The following GSTM3 variants were observed in gnomAD, a reference collection of about 807,000 sequenced individuals.
GSTM3 encodes glutathione S-transferase mu 3.
In GSTM3, 34 loss-of-function variants were observed where a neutral mutation model predicts 36.1. That is an observed-to-expected ratio of 0.94 (90% CI 0.72 to 1.25). GSTM3 has a LOEUF of 1.25. GSTM3 is among the 50% of genes most tolerant of loss of function. GSTM3 has a pLI of 0.00. For missense variants in GSTM3, 266 were observed against 281.6 expected (o/e 0.94, Z 0.40); for synonymous variants, 102 against 99.5 (o/e 1.03, Z -0.15).
Position 109,739,960 on chromosome 1 carries a change from C to T in GSTM3, c.49-52G>A, listed in dbSNP as rs538708088. 8.9e-5 allele frequency: 123 copies of T among 1,383,494 alleles called. 3 individuals carry two copies. In the South Asian group the frequency reaches 1.4e-3, roughly 16 times the overall value. The allele number at this position is 1,383,494 out of a possible 1,614,324, so 85.7% of individuals were successfully genotyped here. A position where few individuals can be genotyped will look rare whatever the true frequency, so the allele number is the denominator to read the frequency against. On this transcript the variant is annotated intron_variant, in intron 2 of 8. Transcript: ENST00000361066. The stretch of plus-strand genomic sequence containing the variant: ...GCGCAGCTCCCACCCATTCCCAACC[C>T]CCGCCCGCTAACGTTCCCCGGCCCG...
intron 4 of GSTM3, 86 bp downstream of exon 4, chr1:109,739,343 C>T: frequency 1.2e-6 from 1 of 810,560 alleles, no homozygotes; most frequent in South Asian, 1.9e-5. Flanking sequence ...TATTTTGCAT[C>T]CTTCTGTACC....
chr1:109,738,671 AAAT>A lies in GSTM3; in HGVS notation c.190-308_190-306del, dbSNP rs200126965. On this transcript the variant is annotated intron_variant, in intron 4 of 8. Transcript: ENST00000361066. The stretch of plus-strand genomic sequence containing the variant: ...AATCAAAAAATATTTTTAAAAATTC[AAAT>A]AAGAGTAACATGTGCCTATTAGTGC... 8.5e-3 allele frequency among the ~76,000 whole-genome samples: 1,296 copies of A among 152,330 alleles called. 71 individuals are homozygous for A. Among genetic ancestry groups the A allele is most frequent in the Admixed American group, 0.075 (1,143 of 15,294 alleles).
Position 109,737,107 on chromosome 1 carries a change from G to C in GSTM3, c.642C>G (p.Asn214Lys). 1 of 1,613,196 alleles carries C rather than the reference G, an allele frequency of 6.2e-7. No homozygotes were observed. The highest frequency in any genetic ancestry group is 8.5e-7 in the Non-Finnish European group (1 of 1,179,108). The change falls in exon 9 of 9, where the codon AAC becomes AAG. Residue 214 changes from asparagine to lysine, a missense_variant. Asn to Lys is a moderately conservative substitution (Grantham distance 94). Coordinates refer to ENST00000361066, the MANE Select transcript of GSTM3 (RefSeq NM_000849.5). ...SDQFCKMPINNKMAQWGNKPV... is the reference protein window; with the variant it reads ...SDQFCKMPINKKMAQWGNKPV... ...GCTTGTTGCCCCACTGGGCCATCTT[G>C]TTGTTGATGGGCATCTTGCAGAACT...
chr1:109,734,422 C>T lies in GSTM3; in HGVS notation c.*2649G>A, dbSNP rs184868354. ...TGAACATAGTTCCTTTCTATCCCTT[C>T]TCCTGAGACCTTCCCTCTCTATGTG... is the stretch of plus-strand genomic sequence containing the variant. On this transcript the variant is annotated 3_prime_UTR_variant, in exon 9 of 9. Coordinates refer to ENST00000361066, the MANE Select transcript of GSTM3 (RefSeq NM_000849.5). 1.4e-4 allele frequency: 22 copies of T among 152,350 alleles called. No homozygotes were observed. The highest frequency in any genetic ancestry group is 3.1e-4 in the Non-Finnish European group (21 of 68,026). The allele number at this position is 152,350 out of a possible 1,614,324, so 9.4% of individuals were successfully genotyped here.
At position 109,739,850 on chromosome 1, in the gene GSTM3, C is replaced by G. The variant is rs1451494312; in HGVS notation, c.107G>C (p.Arg36Pro). The change falls in exon 3 of 9, where the codon CGG (arginine) becomes CCG (proline). Residue 36 changes from arginine to proline, a missense_variant. Arg to Pro is a moderately radical substitution (Grantham distance 103). Transcript: ENST00000361066. ...GGCATTACCTTCCCCGCACGTGTAC[C>G]GTTTCTCCTCATAAGAGGTATCCGT... The part of the protein sequence containing the change: ...EFTDTSYEEK[R>P]YTCGEAPDYD... 2 of 1,552,590 alleles carry G rather than the reference C, an allele frequency of 1.3e-6. No individual in the cohort carries two copies. Among genetic ancestry groups the G allele is most frequent in the Non-Finnish European group, 1.7e-6 (2 of 1,147,122 alleles).
rs78442107 is a variant in GSTM3 at position 109,738,367 on chromosome 1, C to A, written c.190-1G>T. On this transcript the variant is annotated splice_acceptor_variant, in intron 4 of 8. Coordinates refer to ENST00000361066, the MANE Select transcript of GSTM3 (RefSeq NM_000849.5). LOFTEE classifies it high-confidence loss of function. ...TCTTCCCATCCAGGAGGTAGGGCAG[C>A]TGAAAGGAAAAGGACAGGACAAATG... 6.2e-7 allele frequency: 1 copy of A among 1,610,228 alleles called. No homozygotes were observed. The highest frequency in any genetic ancestry group is 8.5e-7 in the Non-Finnish European group (1 of 1,176,438).
rs762077394 is a variant in GSTM3, at chr1:109,737,114, A to G, written c.635T>C (p.Ile212Thr). The change falls in exon 9 of 9, where the codon ATC becomes ACC. Residue 212 changes from isoleucine to threonine, a missense_variant. Physicochemically the swap from Ile to Thr is moderately conservative, Grantham distance 89. Coordinates refer to ENST00000361066, the MANE Select transcript of GSTM3 (RefSeq NM_000849.5). ...GCCCCACTGGGCCATCTTGTTGTTGATGGGCATCTTGCAGAACTGATCAGA... is the reference window on the plus strand; with the variant it reads ...GCCCCACTGGGCCATCTTGTTGTTGGTGGGCATCTTGCAGAACTGATCAGA... ...LQSDQFCKMP[I>T]NNKMAQWGNK... is the part of the protein sequence containing the mutation. 6 of 1,613,406 alleles carry G rather than the reference A, an allele frequency of 3.7e-6. No homozygotes were observed. Among genetic ancestry groups the G allele is most frequent in the Admixed American group, 3.3e-5 (2 of 60,018 alleles).
Position 109,737,602 on chromosome 1 carries a change from G to A in GSTM3, c.469-35C>T, listed in dbSNP as rs754550431. The A allele has an allele frequency of 3.9e-6, 6 of 1,542,340 alleles. No homozygotes were observed. The Admixed American group carries it at 5.0e-5, about 13-fold the overall frequency. On this transcript the variant is annotated intron_variant, in intron 7 of 8. Transcript: ENST00000361066. ...AAGCAATAAGATGCTTAGGTCTGAG[G>A]AGTAGTAGCCTGCAGAGATAGAGAA...
chr1:109,740,311 A>G lies in GSTM3; in HGVS notation c.-24T>C. The stretch of plus-strand genomic sequence containing the variant: ...ATGGTGACGGGCTTCCGAGCCTTCG[A>G]GGACTAGGGAAACTGTGAGCGGGAG... On this transcript the variant is annotated 5_prime_UTR_variant, in exon 2 of 9. Coordinates refer to ENST00000361066, the MANE Select transcript of GSTM3 (RefSeq NM_000849.5). 1 of 1,609,700 alleles carries G rather than the reference A, an allele frequency of 6.2e-7. No individual in the cohort carries two copies. The highest frequency in any genetic ancestry group is 8.5e-7 in the Non-Finnish European group (1 of 1,176,638).
chr1:109,740,627 T>TG (rs1019167618), intron 1 of GSTM3, 116 bp from the exon 2 acceptor site: 1 of 341,270 alleles, frequency 2.9e-6, no homozygotes, highest in African/African-American at 2.2e-5. Context: ...AGCCAGGCAG[T>TG]GGGGACCCTA....
Position 109,740,423 on chromosome 1 carries a change from C to T in GSTM3, c.-136G>A. On this transcript the variant is annotated 5_prime_UTR_variant, in exon 2 of 9. Transcript: ENST00000361066. ...CCCCGTTCTCCGTCCCTTGCCTCCG[C>T]GGCTCCACAGGGCCGTGCGCAGGCG... The T allele has an allele frequency of 1.3e-6, 1 of 752,964 alleles. No individual in the cohort carries two copies. 46.6% of individuals were successfully genotyped at this position (752,964 alleles called of 1,614,324 possible).
rs1451494312 is a variant in GSTM3 at position 109,739,850 on chromosome 1, C to T, written c.107G>A (p.Arg36Gln). ...EFTDTSYEEK[R>Q]YTCGEAPDYD... ...GGCATTACCTTCCCCGCACGTGTACCGTTTCTCCTCATAAGAGGTATCCGT... is the reference window on the plus strand; with the variant it reads ...GGCATTACCTTCCCCGCACGTGTACTGTTTCTCCTCATAAGAGGTATCCGT... Residue 36 changes from arginine to glutamine, a missense_variant, in exon 3 of 9, where the codon CGG becomes CAG. Arg to Gln is a conservative substitution (Grantham distance 43, BLOSUM62 1). Coordinates refer to ENST00000361066, the MANE Select transcript of GSTM3 (RefSeq NM_000849.5). 1.3e-6 allele frequency: 2 copies of T among 1,552,706 alleles called. No individual in the cohort carries two copies. The highest frequency in any genetic ancestry group is 2.7e-5 in the African/African-American group (2 of 73,240).
At chr1:109,737,605 T>C (rs375662089) in intron 7 of GSTM3, 38 bp from the exon 8 acceptor site, 2 of 1,539,010 alleles carry the variant, frequency 1.3e-6, no homozygotes, top group Non-Finnish European at 1.8e-6. Flanking sequence ...GTCTGAGGAG[T>C]AGTAGCCTGC....
rs1325007535 is a variant in GSTM3 at position 109,737,078 on chromosome 1, A to G, written c.671T>C (p.Val224Ala). Residue 224 changes from valine (V) to alanine (A), a missense_variant, in exon 9 of 9, where the codon GTA becomes GCA. Physicochemically the swap from Val to Ala is moderately conservative, Grantham distance 64 (BLOSUM62 0). Transcript: ENST00000361066. ...NKMAQWGNKP[V>A]C The stretch of plus-strand genomic sequence containing the variant: ...TGCAAGTCTGCCTCCTGCTCAGCAT[A>G]CAGGCTTGTTGCCCCACTGGGCCAT... The G allele has an allele frequency of 3.1e-6, 5 of 1,601,606 alleles. No individual in the cohort carries two copies. Among genetic ancestry groups the G allele is most frequent in the Admixed American group, 1.7e-5 (1 of 59,984 alleles).
Position 109,740,295 on chromosome 1 carries a change from G to A in GSTM3, c.-8C>T, listed in dbSNP as rs369740367. 1.7e-5 allele frequency: 27 copies of A among 1,612,842 alleles called. 1 individual carries two copies. The highest frequency in any genetic ancestry group is 1.3e-4 in the Admixed American group (8 of 59,940). On this transcript the variant is annotated 5_prime_UTR_variant, in exon 2 of 9. Coordinates refer to ENST00000361066, the MANE Select transcript of GSTM3 (RefSeq NM_000849.5). ...AGACGACTCGCACGACATGGTGACG[G>A]GCTTCCGAGCCTTCGAGGACTAGGG...
rs1295241584 is a variant in GSTM3, at chr1:109,739,872, C to G, written c.85G>C (p.Asp29His). 26 of 1,555,322 alleles carry G rather than the reference C, an allele frequency of 1.7e-5. No individual in the cohort carries two copies. The highest frequency in any genetic ancestry group is 1.9e-5 in the Non-Finnish European group (22 of 1,148,774). The change falls in exon 3 of 9, where the codon GAT becomes CAT. Residue 29 changes from aspartate (D) to histidine (H), a missense_variant. Transcript: ENST00000361066. ...TACCGTTTCTCCTCATAAGAGGTAT[C>G]CGTGAACTCCAGGAGCAGGCGGATG... ...HAIRLLLEFT[D>H]TSYEEKRYTC... is the part of the protein sequence containing the mutation.
chr1:109,740,269 T>G lies in GSTM3; in HGVS notation c.19A>C (p.Met7Leu), dbSNP rs67174253. 1,557 of 1,613,578 alleles carry G rather than the reference T, an allele frequency of 9.6e-4. 5 individuals carry two copies. In the African/African-American group the frequency reaches 0.011, roughly 11 times the overall value. Residue 7 changes from methionine (M) to leucine (L), a missense_variant, in exon 2 of 9, where the codon ATG (methionine) becomes CTG (leucine). Met to Leu is a conservative substitution (Grantham distance 15). Transcript: ENST00000361066. ...CGAATATCCCAGTACCCGAGAACCA[T>G]AGACGACTCGCACGACATGGTGACG... MSCESS[M>L]VLGYWDIRGL...
chr1:109,738,405 C>T, intron 4 of GSTM3, 39 bp from the exon 5 acceptor site: 1 of 1,305,206 alleles, frequency 7.7e-7, no homozygotes, highest in Non-Finnish European at 1.1e-6. Context: ...CAACCTGCCT[C>T]TCTCTTGATT....
rs149101179 is a variant in GSTM3 at position 109,737,499 on chromosome 1, C to T, written c.537G>A (p.Leu179=). The T allele has an allele frequency of 1.2e-6, 2 of 1,613,474 alleles. No homozygotes were observed. Among genetic ancestry groups the T allele is most frequent in the Admixed American group, 3.3e-5 (2 of 60,018 alleles). The change falls in exon 8 of 9, where the codon CTG becomes CTA. Residue 179 remains leucine (L), a synonymous_variant. Coordinates refer to ENST00000361066, the MANE Select transcript of GSTM3 (RefSeq NM_000849.5). The stretch of plus-strand genomic sequence containing the variant: ...AAGCCTTCAGGTTTGGGAACTCATC[C>T]AGGCACTTGGGGTCAAATATACGGT... ...DQNRIFDPKC[L]DEFPNLKAFM... is the part of the protein sequence containing the mutation.
Sources: gnomAD v4.1 joint callset for allele counts (sites outside exome capture counted in the v4.1 genomes callset) on GRCh38, gnomAD v4.1.1 for gene constraint, MANE v1.5 for transcripts, NCBI Gene and HGNC (gene_info 2026-07-23, HGNC 2026-07-21) for gene names.